Variants in GPR107 observed in about 807,000 individuals in gnomAD.
GPR107 encodes the protein protein GPR107.
In GPR107, 31 loss-of-function variants were observed where a neutral mutation model predicts 75.5. That is an observed-to-expected ratio of 0.41 (90% confidence interval 0.31 to 0.55). GPR107 has a LOEUF of 0.55. Among genes scored for constraint, GPR107 ranks in the 20% least tolerant of loss-of-function variants. GPR107 has a pLI of 0.26. For synonymous variants in GPR107, 267 were observed against 251.3 expected (o/e 1.06, Z -0.59); for missense variants, 572 against 665.7 (o/e 0.86, Z 1.55).
At chr9:130,087,805 C>CAA (rs35984705) in intron 7 of GPR107, among the ~76,000 whole-genome samples, 27,890 of 87,576 alleles carry the variant, frequency 0.32, 4,169 homozygotes, top group Non-Finnish European at 0.39. Context: ...GACCCTGTCT[C>CAA]AAAAAAAAAA....
At chr9:130,095,923 C>A (rs1350023666) in intron 9 of GPR107, among the ~76,000 whole-genome samples, 3 of 152,176 alleles carry the variant, frequency 2.0e-5, no homozygotes, top group East Asian at 3.8e-4. Flanking sequence ...AAGCTGGAAA[C>A]GACTAAGAGA....
intron 14 of GPR107, among the ~76,000 whole-genome samples, chr9:130,119,827 G>T (rs201907952): frequency 0.12 from 198 of 1,680 alleles, no homozygotes; most frequent in Non-Finnish European, 0.039. Flanking sequence ...TGTTTTTTTT[G>T]TTTGTTTGTT....
At chr9:130,130,767 G>A (rs182715850) in intron 17 of GPR107, among the ~76,000 whole-genome samples, 30 of 152,108 alleles carry the variant, frequency 2.0e-4, no homozygotes, top group Admixed American at 1.6e-3. Flanking sequence ...CTACTCGGGA[G>A]GCTGAAGCAG....
chr9:130,135,273 G>A lies in GPR107; in HGVS notation c.*152G>A. 1 of 497,930 alleles carries A rather than the reference G, an allele frequency of 2.0e-6. No individual in the cohort carries two copies. Among genetic ancestry groups the A allele is most frequent in the Non-Finnish European group, 3.6e-6 (1 of 280,432 alleles). The allele number at this position is 497,930 out of a possible 1,614,324, so 30.8% of individuals were successfully genotyped here. On this transcript the variant is annotated 3_prime_UTR_variant, in exon 18 of 18. Coordinates refer to ENST00000347136, the MANE Select transcript of GPR107 (RefSeq NM_020960.5). ...CTGGAGCACAGTGCCGCGGAAACCT[G>A]ATTTTGTACTCTCTTTTATGGAAAC...
intron 14 of GPR107, among the ~76,000 whole-genome samples, chr9:130,113,413 G>A (rs1831352697): frequency 6.6e-6 from 1 of 151,644 alleles, no homozygotes; most frequent in Non-Finnish European, 1.5e-5. Flanking sequence ...TATATTTTTT[G>A]TAGAGACGGG....
chr9:130,091,857 G>A (rs1257504651), intron 8 of GPR107, among the ~76,000 whole-genome samples: 4 of 151,960 alleles, frequency 2.6e-5, no homozygotes, highest in African/African-American at 9.7e-5. Context: ...CACCACACCT[G>A]GCTAATTTTT....
Position 130,097,983 on chromosome 9 carries a change from G to A in GPR107, c.864-1474G>A, listed in dbSNP as rs1830919862. On this transcript the variant is annotated intron_variant, in intron 9 of 17. Transcript: ENST00000347136. ...TGCAGCCTTTGCCTCCTGGGCTCAA[G>A]TGATCCTCCCACATCAGCCTCCCAA... Among the ~76,000 whole-genome samples, 8 of 152,186 alleles carry A rather than the reference G, an allele frequency of 5.3e-5. No individual in the cohort carries two copies. The South Asian group carries it at 1.7e-3, about 31-fold the overall frequency.
At chr9:130,119,734 C>T (rs552429379) in intron 14 of GPR107, among the ~76,000 whole-genome samples, 44 of 152,308 alleles carry the variant, frequency 2.9e-4, no homozygotes, top group Admixed American at 1.4e-3. Flanking sequence ...GCCTCACCCC[C>T]GCCAACTGCT....
chr9:130,134,141 G>A (rs1831896274), intron 17 of GPR107, among the ~76,000 whole-genome samples: 2 of 152,156 alleles, frequency 1.3e-5, no homozygotes, highest in South Asian at 4.1e-4. Context: ...TCGCTTGCAG[G>A]GAAGATGCTG....
chr9:130,083,440 A>G, intron 5 of GPR107, 125 bp from the exon 6 acceptor site: 1 of 499,316 alleles, frequency 2.0e-6, no homozygotes, highest in Non-Finnish European at 3.4e-6. Context: ...GGCAGTCCCC[A>G]AGATTATTTT....
intron 1 of GPR107, among the ~76,000 whole-genome samples, chr9:130,060,160 TC>T (rs1244079496): frequency 2.0e-5 from 3 of 151,824 alleles, no homozygotes; most frequent in Admixed American, 6.6e-5. Context: ...CCTCCCAGGT[TC>T]AAGCAATTCT....
intron 10 of GPR107, 88 bp downstream of exon 10, chr9:130,099,620 A>G (rs1278796133): frequency 4.0e-6 from 3 of 756,474 alleles, no homozygotes; most frequent in Non-Finnish European, 7.0e-6. Context: ...AAGGGGATAG[A>G]TTGGTGGGAA....
intron 17 of GPR107, chr9:130,129,034 A>G (rs940848126): frequency 6.1e-6 from 2 of 327,504 alleles, no homozygotes; most frequent in Non-Finnish European, 1.1e-5. Flanking sequence ...CTCAGTGGCA[A>G]GAACTTAGGA....
intron 15 of GPR107, 49 bp from the exon 16 acceptor site, chr9:130,127,434 C>A: frequency 2.1e-6 from 2 of 967,032 alleles, no homozygotes; most frequent in Non-Finnish European, 3.4e-6. Flanking sequence ...AAAGTGGTGT[C>A]CTAATTTTAA....
At chr9:130,122,880 G>C (rs939538358) in intron 14 of GPR107, among the ~76,000 whole-genome samples, 1 of 152,098 alleles carries the variant, frequency 6.6e-6, no homozygotes, top group African/African-American at 2.4e-5. Flanking sequence ...ACACACCTGT[G>C]GTCCCAGCTA....
chr9:130,080,169 T>C (rs1430357577), intron 5 of GPR107, among the ~76,000 whole-genome samples: 1 of 152,218 alleles, frequency 6.6e-6, no homozygotes, highest in Non-Finnish European at 1.5e-5. Flanking sequence ...AGGAGACACA[T>C]TTCCATTTTT....
At chr9:130,069,847 G>A (rs1303905864) in intron 1 of GPR107, among the ~76,000 whole-genome samples, 2 of 151,688 alleles carry the variant, frequency 1.3e-5, no homozygotes, top group Admixed American at 6.6e-5. Context: ...CACCACACCC[G>A]GCAAATTTTT....
chr9:130,071,026 TTTTTTTTTC>T (rs1423880261), intron 1 of GPR107, among the ~76,000 whole-genome samples: 20 of 71,876 alleles, frequency 2.8e-4, no homozygotes, highest in Non-Finnish European at 4.4e-4. Flanking sequence ...GTCCTAACTT[TTTTTTTTTC>T]TTTTTTTTTT....
At chr9:130,069,851 A>C (rs1225963160) in intron 1 of GPR107, among the ~76,000 whole-genome samples, 1 of 151,522 alleles carries the variant, frequency 6.6e-6, no homozygotes. Context: ...ACACCCGGCA[A>C]ATTTTTGTAT....
Sources: gnomAD v4.1 joint callset for allele counts (sites outside exome capture counted in the v4.1 genomes callset) on GRCh38, gnomAD v4.1.1 for gene constraint, MANE v1.5 for transcripts, NCBI Gene and HGNC (gene_info 2026-07-23, HGNC 2026-07-21) for gene names.